ANKRD44: variants seen among roughly 807,000 people sequenced by gnomAD.
The protein encoded by ANKRD44 is ankyrin repeat domain 44.
A neutral mutation model predicts 116.0 loss-of-function variants in ANKRD44; 35 were observed. The observed-to-expected ratio is 0.30, with a 90% CI of 0.23 to 0.40. The LOEUF (loss-of-function observed/expected upper bound fraction) is 0.40, where lower values mean the gene tolerates loss of function less well. Among genes scored for constraint, ANKRD44 ranks in the 10% least tolerant of loss-of-function variants. ANKRD44 has a pLI of 1.00. For synonymous variants in ANKRD44, 435 were observed against 461.8 expected, an observed-to-expected ratio of 0.94 and a Z score of 0.74; for missense variants, 1,014 against 1,242.6, an observed-to-expected ratio of 0.82 and a Z score of 2.77.
In ANKRD44 at chr2:196,988,105, T is replaced by C. The variant is rs1297387115; in HGVS notation, c.*1486A>G. 5.1e-6 allele frequency: 5 copies of C among 985,278 alleles called. No individual in the cohort carries two copies. The highest frequency in any genetic ancestry group is 6.0e-6 in the Non-Finnish European group (5 of 829,926). The allele number at this position is 985,278 out of a possible 1,614,324, so 61.0% of individuals were successfully genotyped here. On this transcript the variant is annotated 3_prime_UTR_variant, in exon 28 of 28. Transcript: ENST00000282272. ...AAGTCAAAACGCAGCTCCATGGAGA[T>C]AACGTCTCATGGTGAGTCACTGCTT... is the stretch of plus-strand genomic sequence containing the variant.
rs2081343343 is a variant in ANKRD44, at chr2:197,212,191, G to A, written c.28-25085C>T. On this transcript the variant is annotated intron_variant, in intron 1 of 27. Coordinates refer to ENST00000282272, the MANE Select transcript of ANKRD44 (RefSeq NM_001195144.2). The surrounding 1 kb of genome is among the most constrained non-coding windows in gnomAD (Gnocchi z 4.8). ...GTATGCTAGAGATCAGGCAGTACTA[G>A]AGCCAAGAGTTTGCAACCAGGCAGA... 6.6e-6 allele frequency among the ~76,000 whole-genome samples: 1 copy of A among 152,084 alleles called. No individual in the cohort carries two copies. Among genetic ancestry groups the A allele is most frequent in the Non-Finnish European group, 1.5e-5 (1 of 68,018 alleles).
chr2:197,196,663 A>G (rs1431794254), intron 1 of ANKRD44, among the ~76,000 whole-genome samples: 1 of 152,218 alleles, frequency 6.6e-6, no homozygotes, highest in African/African-American at 2.4e-5. Flanking sequence ...AGATATATGG[A>G]TTAACTCAGT....
rs568310759 is a variant in ANKRD44, at chr2:197,009,334, C to T, written c.1925-303G>A. ...CTCGAATTCCTAGCCCCAGGTGATC[C>T]GCCAGCCTCGGCCTCCCAAAGTGCT... On this transcript the variant is annotated intron_variant, in intron 18 of 27. Coordinates refer to ENST00000282272, the MANE Select transcript of ANKRD44 (RefSeq NM_001195144.2). Among the ~76,000 whole-genome samples, 7 of 151,980 alleles carry T rather than the reference C, an allele frequency of 4.6e-5. No homozygotes were observed. In the South Asian group the frequency reaches 1.5e-3, roughly 32 times the overall value.
chr2:197,023,253 G>A (rs2076531056), intron 17 of ANKRD44, among the ~76,000 whole-genome samples: 1 of 152,184 alleles, frequency 6.6e-6, no homozygotes, highest in African/African-American at 2.4e-5. Context: ...TAGGGACACT[G>A]AGACATAAGA....
chr2:196,967,206 A>G (rs1328913326), exon 22 of ANKRD44: 1 of 230,536 alleles, frequency 4.3e-6, no homozygotes, highest in Non-Finnish European at 9.4e-6. Flanking sequence ...CTGTTTTCTA[A>G]GGGAAAGAGG....
chr2:197,126,031 C>T lies in ANKRD44; in HGVS notation c.268G>A (p.Val90Ile), dbSNP rs766285368. Residue 90 changes from valine (V) to isoleucine (I), a missense_variant, in exon 5 of 28, where the codon GTA (valine) becomes ATA (isoleucine). Transcript: ENST00000282272. ...RAVASRSEEA[V>I]QVLIKHSADV... is the part of the protein sequence containing the mutation. ...GCTGAGTGCTTAATCAAAACCTGTA[C>T]TGCTTCCTACAACAAAAGCAGAGTT... The T allele has an allele frequency of 3.1e-6, 5 of 1,614,196 alleles. No individual in the cohort carries two copies. The Admixed American group carries it at 6.7e-5, about 22-fold the overall frequency.
intron 1 of ANKRD44, among the ~76,000 whole-genome samples, chr2:197,287,601 A>T (rs1418850718): frequency 6.6e-6 from 1 of 152,200 alleles, no homozygotes; most frequent in Non-Finnish European, 1.5e-5. Flanking sequence ...ACAACCACAC[A>T]TCATTGTGAA....
chr2:197,153,047 AT>A (rs2079696425), intron 2 of ANKRD44, among the ~76,000 whole-genome samples: 1 of 151,832 alleles, frequency 6.6e-6, no homozygotes, highest in African/African-American at 2.4e-5. Context: ...ATTAAAAGTA[AT>A]TTTTTTAAAT....
chr2:197,058,787 A>G (rs1323721256), intron 16 of ANKRD44, among the ~76,000 whole-genome samples: 2 of 152,218 alleles, frequency 1.3e-5, no homozygotes, highest in East Asian at 3.8e-4. Context: ...AACTCAGTTG[A>G]AGTCCTGCAC....
At chr2:197,256,819 C>T (rs1321358576) in intron 1 of ANKRD44, among the ~76,000 whole-genome samples, 1 of 152,198 alleles carries the variant, frequency 6.6e-6, no homozygotes, top group Non-Finnish European at 1.5e-5. Flanking sequence ...GAGGCAGCCA[C>T]ATCACCCTAG....
At chr2:197,116,706 C>T (rs1040295703) in intron 8 of ANKRD44, among the ~76,000 whole-genome samples, 4 of 152,134 alleles carry the variant, frequency 2.6e-5, no homozygotes, top group African/African-American at 7.2e-5. Flanking sequence ...TCTCCTTGGG[C>T]GGTCTCGTCC....
chr2:197,089,483 C>T (rs911642454), intron 11 of ANKRD44, among the ~76,000 whole-genome samples: 3 of 152,130 alleles, frequency 2.0e-5, no homozygotes, highest in Admixed American at 6.6e-5. Flanking sequence ...GAAATTAAAC[C>T]TAGTTGGAGG....
intron 1 of ANKRD44, among the ~76,000 whole-genome samples, chr2:197,258,621 G>A (rs2082517812): frequency 6.6e-6 from 1 of 152,142 alleles, no homozygotes; most frequent in Non-Finnish European, 1.5e-5. Context: ...AGGATTGCTA[G>A]ATCAAATGGT....
chr2:197,016,115 G>A (rs1020418198), intron 17 of ANKRD44: 9 of 343,530 alleles, frequency 2.6e-5, no homozygotes, highest in African/African-American at 1.7e-4. Flanking sequence ...TGCATTAGAG[G>A]AATGGTAAAA....
intron 12 of ANKRD44, among the ~76,000 whole-genome samples, chr2:197,087,714 T>G (rs1449190731): frequency 6.6e-6 from 1 of 152,078 alleles, no homozygotes; most frequent in East Asian, 1.9e-4. Flanking sequence ...AAAATAAGTA[T>G]GTGTTGGTGT....
chr2:197,060,489 CTAAT>C (rs1445053056), intron 16 of ANKRD44, among the ~76,000 whole-genome samples: 1 of 152,100 alleles, frequency 6.6e-6, no homozygotes, highest in African/African-American at 2.4e-5. Context: ...CACAAACAAA[CTAAT>C]TAATATCCTA....
Position 196,986,864 on chromosome 2 carries a change from A to T in ANKRD44, c.*2727T>A. Reference sequence around the variant, plus strand: ...TTTTCCCCATTTTTACAGTCATGACATTTACCAGAGTCATTCAACTCCAAT... The same window carrying T: ...TTTTCCCCATTTTTACAGTCATGACTTTTACCAGAGTCATTCAACTCCAAT... On this transcript the variant is annotated 3_prime_UTR_variant, in exon 28 of 28. Transcript: ENST00000282272. 5.1e-6 allele frequency: 5 copies of T among 985,428 alleles called. No individual in the cohort carries two copies. Among genetic ancestry groups the T allele is most frequent in the Non-Finnish European group, 6.0e-6 (5 of 829,910 alleles). 61.0% of individuals were successfully genotyped at this position (985,428 alleles called of 1,614,324 possible). A position where few individuals can be genotyped will look rare whatever the true frequency, so the allele number is the denominator to read the frequency against.
intron 1 of ANKRD44, among the ~76,000 whole-genome samples, chr2:197,219,827 T>A (rs138164758): frequency 1.6e-3 from 240 of 152,084 alleles, no homozygotes; most frequent in African/African-American, 5.0e-3. Context: ...AAAAAGACAT[T>A]CTACAGAGAA....
intron 16 of ANKRD44, among the ~76,000 whole-genome samples, chr2:197,057,832 T>G (rs556424156): frequency 1.3e-5 from 2 of 152,324 alleles, no homozygotes; most frequent in African/African-American, 4.8e-5. Context: ...CACTCTAGCC[T>G]GGGTGATAGA....
Sources: gnomAD v4.1 joint callset for allele counts (sites outside exome capture counted in the v4.1 genomes callset) on GRCh38, gnomAD v4.1.1 for gene constraint, Gnocchi (gnomAD v3.1) non-coding constraint, MANE v1.5 for transcripts, NCBI Gene and HGNC (gene_info 2026-07-23, HGNC 2026-07-21) for gene names.